Variants in NRCAM observed in about 807,000 individuals in gnomAD.
NRCAM encodes NgCAM-related cell adhesion molecule.
In NRCAM, 83 loss-of-function variants were observed where a neutral mutation model predicts 156.5. The observed-to-expected ratio is 0.53, with a 90% CI of 0.44 to 0.64. NRCAM has a LOEUF of 0.64. Among genes scored for constraint, NRCAM ranks in the 30% least tolerant of loss-of-function variants. The pLI is 0.00. For synonymous variants in NRCAM, 538 were observed against 563.9 expected (o/e 0.95, Z 0.65); for missense variants, 1,417 against 1,597.3 (o/e 0.89, Z 1.92).
chr7:108,259,883 G>T (rs759961984), intron 3 of NRCAM, among the ~76,000 whole-genome samples: 1 of 152,212 alleles, frequency 6.6e-6, no homozygotes, highest in African/African-American at 2.4e-5. Context: ...AATAGCTATT[G>T]CATGCAGGGC....
chr7:108,197,366 T>G (rs1161304364), intron 14 of NRCAM, among the ~76,000 whole-genome samples: 8 of 152,204 alleles, frequency 5.3e-5, no homozygotes, highest in Admixed American at 5.2e-4. Flanking sequence ...GGCTGAAGTA[T>G]AATTCCCAGG....
At chr7:108,252,977 C>A (rs1195258352) in intron 3 of NRCAM, among the ~76,000 whole-genome samples, 1 of 152,212 alleles carries the variant, frequency 6.6e-6, no homozygotes, top group South Asian at 2.1e-4. Flanking sequence ...GAGGCAGGAA[C>A]GTCTGAGCGG....
intron 3 of NRCAM, among the ~76,000 whole-genome samples, chr7:108,276,228 T>C (rs950745591): frequency 6.6e-6 from 1 of 152,174 alleles, no homozygotes; most frequent in Non-Finnish European, 1.5e-5. Context: ...GGGTGGAGAG[T>C]TCTGTAGATG....
chr7:108,225,265 T>C (rs2093243924), intron 10 of NRCAM, among the ~76,000 whole-genome samples: 1 of 152,222 alleles, frequency 6.6e-6, no homozygotes, highest in Non-Finnish European at 1.5e-5. Context: ...CTAAAAGCTT[T>C]GATGAGTCAG....
intron 2 of NRCAM, among the ~76,000 whole-genome samples, chr7:108,377,333 G>A (rs566540454): frequency 2.0e-5 from 3 of 152,204 alleles, no homozygotes; most frequent in Admixed American, 6.5e-5. Flanking sequence ...TTGGGAACCT[G>A]GTTTGCAGTC....
At chr7:108,173,170 G>A (rs527835073) in intron 28 of NRCAM, among the ~76,000 whole-genome samples, 1 of 151,992 alleles carries the variant, frequency 6.6e-6, no homozygotes, top group South Asian at 2.1e-4. Flanking sequence ...ATTTTTAGTA[G>A]AGATGGGGTT....
intron 2 of NRCAM, among the ~76,000 whole-genome samples, chr7:108,350,187 C>T (rs181742963): frequency 6.6e-6 from 1 of 152,200 alleles, no homozygotes; most frequent in Non-Finnish European, 1.5e-5. Flanking sequence ...TCTGAAATGG[C>T]GTTCCTGCTT....
intron 2 of NRCAM, among the ~76,000 whole-genome samples, chr7:108,320,322 T>C (rs1452788356): frequency 1.3e-5 from 2 of 152,026 alleles, no homozygotes; most frequent in East Asian, 3.9e-4. Flanking sequence ...TATCTGGGCA[T>C]GGTGGCATGC....
At chr7:108,412,453 A>G in intron 1 of NRCAM, among the ~76,000 whole-genome samples, 1 of 152,282 alleles carries the variant, frequency 6.6e-6, no homozygotes. Flanking sequence ...GTATATATTT[A>G]TAATGTACAA....
chr7:108,198,574 A>C (rs1228177036), intron 13 of NRCAM, among the ~76,000 whole-genome samples: 1 of 152,186 alleles, frequency 6.6e-6, no homozygotes, highest in Non-Finnish European at 1.5e-5. Context: ...CGTGTTCAAG[A>C]GATTGTGGTT....
At chr7:108,451,931 T>C (rs1850845867) in intron 1 of NRCAM, among the ~76,000 whole-genome samples, 1 of 152,166 alleles carries the variant, frequency 6.6e-6, no homozygotes, top group South Asian at 2.1e-4. Context: ...CACTTAGAAA[T>C]AGTTTAATGG....
At chr7:108,291,583 T>C (rs1253772295) in intron 3 of NRCAM, among the ~76,000 whole-genome samples, 1 of 152,188 alleles carries the variant, frequency 6.6e-6, no homozygotes, top group African/African-American at 2.4e-5. Context: ...TTGTTATGTA[T>C]GTATATACTT....
chr7:108,311,692 C>A (rs999674575), intron 3 of NRCAM, among the ~76,000 whole-genome samples: 15 of 152,130 alleles, frequency 9.9e-5, no homozygotes, highest in Non-Finnish European at 2.1e-4. Flanking sequence ...AGTTTCAATA[C>A]AACACAATGG....
In NRCAM at chr7:108,194,418, C is replaced by T. The variant is rs774036642; in HGVS notation, c.1474G>A (p.Ala492Thr). ...PLPTIEWFKGAKGSALHEDIY... is the reference protein window; with the variant it reads ...PLPTIEWFKGTKGSALHEDIY... ...TCTTCATGAAGAGCACTTCCTTTAG[C>T]TCCTTTAAACCTTCATTACAGAAAT... is the stretch of plus-strand genomic sequence containing the variant. Residue 492 changes from alanine to threonine, a missense_variant, in exon 16 of 33, where the codon GCT becomes ACT. Ala to Thr is a moderately conservative substitution (Grantham distance 58, BLOSUM62 0). Transcript: ENST00000379028. 1.3e-6 allele frequency: 2 copies of T among 1,594,668 alleles called. No individual in the cohort carries two copies. The highest frequency in any genetic ancestry group is 2.2e-5 in the East Asian group (1 of 44,738).
intron 22 of NRCAM, among the ~76,000 whole-genome samples, chr7:108,183,935 A>G (rs1449034746): frequency 6.6e-6 from 1 of 152,032 alleles, no homozygotes; most frequent in Non-Finnish European, 1.5e-5. Flanking sequence ...AATACTGTGA[A>G]ATTGGTTCTA....
intron 22 of NRCAM, 25 bp from the exon 23 acceptor site, chr7:108,182,945 A>T: frequency 1.3e-6 from 2 of 1,580,940 alleles, no homozygotes; most frequent in Non-Finnish European, 1.7e-6. Flanking sequence ...AAATAACCAG[A>T]GCTTATAACA....
chr7:108,372,576 T>A (rs2099635666), intron 2 of NRCAM, among the ~76,000 whole-genome samples: 1 of 151,898 alleles, frequency 6.6e-6, no homozygotes, highest in South Asian at 2.1e-4. Flanking sequence ...GAAAGAGAAA[T>A]GGCCAATAGG....
chr7:108,455,086 A>T (rs1855183192), intron 1 of NRCAM, among the ~76,000 whole-genome samples: 1 of 152,098 alleles, frequency 6.6e-6, no homozygotes, highest in African/African-American at 2.4e-5. Context: ...GATCCGGGGA[A>T]GGAAGCGGCC....
rs553162644 is a variant in NRCAM, at chr7:108,438,698, G to A, written c.-332+17545C>T. ...ATGGCATCAAAATCAGAAAGGAAGAGTCAAAATTGTCTTTATTCAGAGATG... is the reference window on the plus strand; with the variant it reads ...ATGGCATCAAAATCAGAAAGGAAGAATCAAAATTGTCTTTATTCAGAGATG... On this transcript the variant is annotated intron_variant, in intron 1 of 32. Coordinates refer to ENST00000379028, the MANE Select transcript of NRCAM (RefSeq NM_001037132.4). 2.8e-4 allele frequency among the ~76,000 whole-genome samples: 43 copies of A among 152,220 alleles called. 1 individual carries two copies. The highest frequency in any genetic ancestry group is 1.0e-3 in the African/African-American group (42 of 41,548).
Sources: allele counts gnomAD v4.1 joint callset (sites outside exome capture counted in the v4.1 genomes callset), GRCh38; gene constraint gnomAD v4.1.1; transcripts MANE v1.5; gene names NCBI Gene and HGNC (gene_info 2026-07-23, HGNC 2026-07-21).